Variants in GLS observed in about 807,000 individuals in gnomAD.
GLS encodes the protein glutaminase kidney isoform, mitochondrial.
Under a neutral mutation model 86.7 loss-of-function variants are expected in GLS, and 36 were observed. The observed-to-expected ratio is 0.42, with a 90% CI of 0.32 to 0.55. The LOEUF is 0.55. Ranked by LOEUF, GLS falls within the 20% of genes least tolerant of loss-of-function variation. The pLI, the probability that GLS is intolerant of heterozygous loss-of-function variation, is 0.17. For synonymous variants in GLS, 317 were observed against 305.9 expected (o/e 1.04, Z -0.38); for missense variants, 528 against 833.4 (o/e 0.63, Z 4.51).
At chr2:190,882,945 A>C (rs1257236773) in intron 1 of GLS, among the ~76,000 whole-genome samples, 1 of 152,248 alleles carries the variant, frequency 6.6e-6, no homozygotes, top group Non-Finnish European at 1.5e-5. Context: ...CAAGGAAGTA[A>C]CGAGTTTACA....
intron 17 of GLS, among the ~76,000 whole-genome samples, chr2:190,961,082 T>G (rs942122557): frequency 2.6e-5 from 4 of 152,246 alleles, no homozygotes; most frequent in African/African-American, 9.6e-5. Flanking sequence ...TGAAAGTAGA[T>G]GTACCCACCT....
intron 7 of GLS, among the ~76,000 whole-genome samples, chr2:190,916,146 A>C (rs1689524138): frequency 6.6e-6 from 1 of 152,170 alleles, no homozygotes; most frequent in African/African-American, 2.4e-5. Context: ...AAAATCAATT[A>C]CTGTTTCAAA....
intron 14 of GLS, among the ~76,000 whole-genome samples, chr2:190,950,946 G>A (rs1352023637): frequency 2.6e-5 from 4 of 152,194 alleles, no homozygotes; most frequent in African/African-American, 9.7e-5. Flanking sequence ...GCTATGAACT[G>A]GAGCCAGGGT....
In GLS at chr2:190,954,897, C is replaced by G; in HGVS notation, c.1853+79C>G. On this transcript the variant is annotated intron_variant, in intron 17 of 17. Coordinates refer to ENST00000320717, the MANE Select transcript of GLS (RefSeq NM_014905.5). The surrounding 1 kb of genome is among the most constrained non-coding windows in gnomAD (Gnocchi z 4.0). Reference sequence around the variant, plus strand: ...TAATATTCAAGTGATGATAATATTTCAACCTACTAAGACATTCTTGAACCT... The same window carrying G: ...TAATATTCAAGTGATGATAATATTTGAACCTACTAAGACATTCTTGAACCT... The G allele has an allele frequency of 1.0e-6, 1 of 966,868 alleles. No individual in the cohort carries two copies. Among genetic ancestry groups the G allele is most frequent in the Non-Finnish European group, 1.6e-6 (1 of 636,254 alleles). The allele number at this position is 966,868 out of a possible 1,614,324, so 59.9% of individuals were successfully genotyped here.
chr2:190,944,308 A>G (rs577020990), intron 14 of GLS, among the ~76,000 whole-genome samples: 2 of 152,068 alleles, frequency 1.3e-5, no homozygotes, highest in South Asian at 2.1e-4. Context: ...TTTTTTAAAT[A>G]TAGCACTTTA....
At chr2:190,926,076 G>C (rs1689885767) in intron 11 of GLS, among the ~76,000 whole-genome samples, 2 of 152,174 alleles carry the variant, frequency 1.3e-5, no homozygotes, top group Non-Finnish European at 2.9e-5. Context: ...AACAGCCATA[G>C]AAGTGGTACT....
At chr2:190,918,357 TCTTTC>T (rs1303624051) in intron 7 of GLS, among the ~76,000 whole-genome samples, 11 of 152,188 alleles carry the variant, frequency 7.2e-5, no homozygotes, top group Non-Finnish European at 1.6e-4. Context: ...GGAGACGGCT[TCTTTC>T]CTTAAACCTC....
In GLS at chr2:190,920,023, A is replaced by G. The variant is rs1169724380; in HGVS notation, c.1039-1001A>G. ...TGAACCTGGCTTTATTCAATTAAAT[A>G]ATTCTCTGGTACAGGTTTTCCTCCC... On this transcript the variant is annotated intron_variant, in intron 7 of 17. Transcript: ENST00000320717. This position sits in a 1 kb window ranked among gnomAD's most constrained non-coding sequence, Gnocchi z 4.2. 1.3e-5 allele frequency: 2 copies of G among 151,958 alleles called. No individual in the cohort carries two copies. The highest frequency in any genetic ancestry group is 6.6e-5 in the Admixed American group (1 of 15,240). 9.4% of individuals were successfully genotyped at this position (151,958 alleles called of 1,614,324 possible).
intron 17 of GLS, among the ~76,000 whole-genome samples, chr2:190,960,326 T>C (rs890714418): frequency 4.9e-4 from 74 of 151,810 alleles, no homozygotes; most frequent in African/African-American, 1.7e-3. Context: ...GATTACTCTT[T>C]AGCTGTATTG....
At chr2:190,906,274 C>T (rs900009583) in intron 6 of GLS, among the ~76,000 whole-genome samples, 2 of 151,912 alleles carry the variant, frequency 1.3e-5, no homozygotes, top group Non-Finnish European at 2.9e-5. Context: ...AAATTTAATA[C>T]TTTTCCATGA....
At chr2:190,884,027 T>C (rs931189560) in intron 1 of GLS, among the ~76,000 whole-genome samples, 2 of 152,264 alleles carry the variant, frequency 1.3e-5, no homozygotes, top group African/African-American at 4.8e-5. Context: ...AAAAATTTAA[T>C]GATCTTTGCT....
At chr2:190,958,105 A>G (rs1056635015) in intron 17 of GLS, among the ~76,000 whole-genome samples, 5 of 152,150 alleles carry the variant, frequency 3.3e-5, no homozygotes, top group Admixed American at 3.3e-4. Context: ...TACTGCCTCA[A>G]TTTCAGAACT....
chr2:190,929,397 A>ATG (rs1212527006), intron 12 of GLS, among the ~76,000 whole-genome samples: 3 of 152,092 alleles, frequency 2.0e-5, no homozygotes, highest in African/African-American at 7.2e-5. Context: ...CACAATTTAG[A>ATG]TGTAACTGCT....
chr2:190,901,245 CAT>C (rs1334259844), intron 4 of GLS, among the ~76,000 whole-genome samples: 1 of 151,956 alleles, frequency 6.6e-6, no homozygotes, highest in Non-Finnish European at 1.5e-5. Context: ...TTACCGATAA[CAT>C]AAATAGTCTA....
At chr2:190,932,426 C>A (rs1407572616) in intron 14 of GLS, among the ~76,000 whole-genome samples, 1 of 151,860 alleles carries the variant, frequency 6.6e-6, no homozygotes, top group Admixed American at 6.6e-5. Context: ...TGAAGAACTT[C>A]TAAGTAGAAA....
At chr2:190,952,334 T>C (rs1216156549) in intron 14 of GLS, among the ~76,000 whole-genome samples, 3 of 152,200 alleles carry the variant, frequency 2.0e-5, no homozygotes, top group African/African-American at 7.2e-5. Context: ...TGTGCTCAGC[T>C]AGTTAAGTTC....
chr2:190,921,926 A>C lies in GLS; in HGVS notation c.1130+723A>C, dbSNP rs1689750461. 2.0e-5 allele frequency among the ~76,000 whole-genome samples: 3 copies of C among 152,118 alleles called. No individual in the cohort carries two copies. ...GATTCAGGAACAAATCAAGGTTCTT[A>C]CATTGTATTTATTACGATGTCTGTT... On this transcript the variant is annotated intron_variant, in intron 9 of 17. Transcript: ENST00000320717. The surrounding 1 kb of genome is among the most constrained non-coding windows in gnomAD (Gnocchi z 4.2).
chr2:190,882,239 G>C (rs1023704355), intron 1 of GLS, among the ~76,000 whole-genome samples: 16 of 152,178 alleles, frequency 1.1e-4, no homozygotes, highest in Admixed American at 9.2e-4. Context: ...GAAATGTGAC[G>C]TAATACACTA....
rs1689112183 is a variant in GLS at position 190,905,742 on chromosome 2, A to C, written c.979+575A>C. Among the ~76,000 whole-genome samples, 1 of 152,162 alleles carries C rather than the reference A, an allele frequency of 6.6e-6. No homozygotes were observed. Among genetic ancestry groups the C allele is most frequent in the African/African-American group, 2.4e-5 (1 of 41,450 alleles). On this transcript the variant is annotated intron_variant, in intron 6 of 17. Transcript: ENST00000320717. This position sits in a 1 kb window ranked among gnomAD's most constrained non-coding sequence, Gnocchi z 4.6. ...CAAAAGAAAAGGGGAGGACAAAAGT[A>C]GTTAGTTTGATCTGATAGAGATTTT...
Sources: gnomAD v4.1 joint callset for allele counts (sites outside exome capture counted in the v4.1 genomes callset) on GRCh38, gnomAD v4.1.1 for gene constraint, Gnocchi (gnomAD v3.1) non-coding constraint, MANE v1.5 for transcripts, NCBI Gene and HGNC (gene_info 2026-07-23, HGNC 2026-07-21) for gene names.